The following TRIM46 variants were observed in gnomAD, a reference collection of about 807,000 sequenced individuals.
The protein encoded by TRIM46 is tripartite motif containing 46, also known as tripartite motif-containing protein 46.
In TRIM46, 17 loss-of-function variants were observed where a neutral mutation model predicts 69.7. The ratio of observed to expected loss-of-function variants is 0.24; its 90% CI spans 0.17 to 0.37. The LOEUF (loss-of-function observed/expected upper bound fraction) is 0.37, where lower values mean the gene tolerates loss of function less well. Ranked by LOEUF, TRIM46 falls within the 10% of genes least tolerant of loss-of-function variation. The pLI is 1.00. For missense variants in TRIM46, 675 were observed against 1,025.1 expected (o/e 0.66, Z 4.66); for synonymous variants, 391 against 429.0 (o/e 0.91, Z 1.09).
chr1:155,175,171 C>T lies in TRIM46; in HGVS notation c.64-215C>T. 1 of 1,419,152 alleles carries T rather than the reference C, an allele frequency of 7.0e-7. No individual in the cohort carries two copies. Among genetic ancestry groups the T allele is most frequent in the Non-Finnish European group, 9.1e-7 (1 of 1,095,384 alleles). 87.9% of individuals were successfully genotyped at this position (1,419,152 alleles called of 1,614,324 possible). On this transcript the variant is annotated intron_variant, in intron 1 of 9. Coordinates refer to ENST00000334634, the MANE Select transcript of TRIM46 (RefSeq NM_025058.5). The surrounding 1 kb of genome is among the most constrained non-coding windows in gnomAD (Gnocchi z 4.2). ...GCAGGCACAAGCTCCAACCGTCCCT[C>T]CTCTGGGCCTTTAGCTCTGCAGCGG... is the stretch of plus-strand genomic sequence containing the variant.
chr1:155,177,341 A>G (rs1018624757), intron 5 of TRIM46, 51 bp downstream of exon 5: 1 of 1,478,992 alleles, frequency 6.8e-7, no homozygotes, highest in Non-Finnish European at 9.5e-7. Context: ...GAGTAGGGGC[A>G]GGAAGGGGGT....
chr1:155,174,617 G>A (rs746403154), intron 1 of TRIM46: 44 of 1,529,604 alleles, frequency 2.9e-5, no homozygotes, highest in Non-Finnish European at 3.6e-5. Context: ...CCCTGACCGG[G>A]ATGGCTGCGA....
chr1:155,175,285 G>C lies in TRIM46; in HGVS notation c.64-101G>C. 1 of 1,565,236 alleles carries C rather than the reference G, an allele frequency of 6.4e-7. No individual in the cohort carries two copies. Among genetic ancestry groups the C allele is most frequent in the Non-Finnish European group, 8.6e-7 (1 of 1,163,432 alleles). The stretch of plus-strand genomic sequence containing the variant: ...GGAAAAGCTGCAGGTAGCTTGTCTT[G>C]CTCCTTCCTCAGACCCCTAGGGTAT... On this transcript the variant is annotated intron_variant, in intron 1 of 9. Coordinates refer to ENST00000334634, the MANE Select transcript of TRIM46 (RefSeq NM_025058.5). This position sits in a 1 kb window ranked among gnomAD's most constrained non-coding sequence, Gnocchi z 4.2.
chr1:155,181,780 G>A lies in TRIM46; in HGVS notation c.1589-72G>A, dbSNP rs1033442280. ...CTTGCAACGCGTTCCCTGTTCTGCA[G>A]TCTCACAGCCCCCAGTGCCAGTGTT... On this transcript the variant is annotated intron_variant, in intron 8 of 9. Transcript: ENST00000334634. This position sits in a 1 kb window ranked among gnomAD's most constrained non-coding sequence, Gnocchi z 4.3. 9 of 1,530,748 alleles carry A rather than the reference G, an allele frequency of 5.9e-6. No homozygotes were observed. Among genetic ancestry groups the A allele is most frequent in the Non-Finnish European group, 8.0e-6 (9 of 1,128,544 alleles). 94.8% of individuals were successfully genotyped at this position (1,530,748 alleles called of 1,614,324 possible).
chr1:155,180,127 C>A (rs557988914), intron 8 of TRIM46, among the ~76,000 whole-genome samples, 193 bp downstream of exon 8: 4 of 152,248 alleles, frequency 2.6e-5, no homozygotes, highest in Admixed American at 6.5e-5. Context: ...TGGCTTCTGG[C>A]AAGTTTTTAC....
chr1:155,176,882 C>A, intron 3 of TRIM46, 50 bp from the exon 4 acceptor site: 2 of 1,599,634 alleles, frequency 1.3e-6, no homozygotes, highest in African/African-American at 1.3e-5. Context: ...TAGCATAGCA[C>A]CCTTACCCAC....
Position 155,178,029 on chromosome 1 carries a change from G to T in TRIM46, c.937G>T (p.Val313Leu). The change falls in exon 6 of 10, where the codon GTG (valine) becomes TTG (leucine). Residue 313 changes from valine (V) to leucine (L), a missense_variant. This residue lies in a region of TRIM46 where 361 missense variants were observed against 498.3 expected (regional missense o/e 0.72). Transcript: ENST00000334634. ...EVSGQQAKEE[V>L]SQLVRGLGAV... ...GAGTGGTCAGCAGGCCAAGGAGGAG[G>T]TGTCGCAGCTGGTGCGGGGGCTGGG... is the stretch of plus-strand genomic sequence containing the variant. 6.2e-7 allele frequency: 1 copy of T among 1,613,484 alleles called. No individual in the cohort carries two copies. Among genetic ancestry groups the T allele is most frequent in the Non-Finnish European group, 8.5e-7 (1 of 1,179,964 alleles).
chr1:155,184,411 G>A lies in TRIM46; in HGVS notation c.*221G>A, dbSNP rs1666396427. On this transcript the variant is annotated 3_prime_UTR_variant, in exon 10 of 10. Transcript: ENST00000334634. This position sits in a 1 kb window ranked among gnomAD's most constrained non-coding sequence, Gnocchi z 5.6. ...CCCCCGTTCTCTCCATTGCTTGTTAGCCAGGCCCCCACCCCCACTGAGTCT... is the reference window on the plus strand; with the variant it reads ...CCCCCGTTCTCTCCATTGCTTGTTAACCAGGCCCCCACCCCCACTGAGTCT... 3.5e-6 allele frequency: 2 copies of A among 571,446 alleles called. No homozygotes were observed. Among genetic ancestry groups the A allele is most frequent in the Non-Finnish European group, 6.1e-6 (2 of 330,074 alleles). 35.4% of individuals were successfully genotyped at this position (571,446 alleles called of 1,614,324 possible). A position where few individuals can be genotyped will look rare whatever the true frequency, so the allele number is the denominator to read the frequency against.
intron 7 of TRIM46, 126 bp downstream of exon 7, chr1:155,178,739 T>TGGGGGCCCCCCC: frequency 1.5e-6 from 2 of 1,348,474 alleles, no homozygotes; most frequent in Non-Finnish European, 2.0e-6. Context: ...CAGCCATTCC[T>TGGGGGCCCCCCC]CCCACCCAGC....
At chr1:155,182,211 G>T in intron 9 of TRIM46, 62 bp downstream of exon 9, 1 of 1,548,270 alleles carries the variant, frequency 6.5e-7, no homozygotes, top group South Asian at 1.2e-5. Context: ...GGCACAGAAG[G>T]GGTGGCAAGT....
intron 5 of TRIM46, among the ~76,000 whole-genome samples, chr1:155,177,732 C>T (rs537050726): frequency 1.3e-5 from 2 of 152,268 alleles, no homozygotes; most frequent in South Asian, 4.1e-4. Context: ...ATTAGGGTAG[C>T]CATGGCCTCG....
chr1:155,178,881 G>A (rs1056864007), intron 7 of TRIM46: 88 of 1,341,708 alleles, frequency 6.6e-5, no homozygotes, highest in Middle Eastern at 2.2e-4. Flanking sequence ...GGCCCTGCCC[G>A]CCGCCGGGCC....
At position 155,175,015 on chromosome 1, in the gene TRIM46, G is replaced by A; in HGVS notation, c.64-371G>A. 7.3e-7 allele frequency: 1 copy of A among 1,376,760 alleles called. No homozygotes were observed. The highest frequency in any genetic ancestry group is 9.3e-7 in the Non-Finnish European group (1 of 1,072,606). 85.3% of individuals were successfully genotyped at this position (1,376,760 alleles called of 1,614,324 possible). A position where few individuals can be genotyped will look rare whatever the true frequency, so the allele number is the denominator to read the frequency against. On this transcript the variant is annotated intron_variant, in intron 1 of 9. Transcript: ENST00000334634. This position sits in a 1 kb window ranked among gnomAD's most constrained non-coding sequence, Gnocchi z 4.2. ...AGGGAGTGGGGGTCTGCATGGAGCT[G>A]CAGAATGGGCGGTGTCCTTGAGAAA...
At chr1:155,180,396 A>G in intron 8 of TRIM46, 1 of 357,282 alleles carries the variant, frequency 2.8e-6, no homozygotes, top group Non-Finnish European at 5.0e-6. Context: ...AGAGTTTGAG[A>G]CCAGCCTGGC....
Position 155,176,198 on chromosome 1 carries a change from G to A in TRIM46, c.636G>A (p.Glu212=), listed in dbSNP as rs750349875. 1 of 1,609,786 alleles carries A rather than the reference G, an allele frequency of 6.2e-7. No homozygotes were observed. The highest frequency in any genetic ancestry group is 8.5e-7 in the Non-Finnish European group (1 of 1,179,758). ...HPWGTQKAQH[E]PTLPTLSFRP... is the part of the protein sequence containing the mutation. ...GGGGCACCCAGAAGGCCCAGCATGA[G>A]CCCACCCTGCCTACCCTCTCCTTCC... Residue 212 remains glutamate, a synonymous_variant, in exon 3 of 10, where the codon GAG becomes GAA. Coordinates refer to ENST00000334634, the MANE Select transcript of TRIM46 (RefSeq NM_025058.5).
intron 3 of TRIM46, 42 bp downstream of exon 3, chr1:155,176,273 T>A: frequency 6.5e-7 from 1 of 1,539,896 alleles, no homozygotes. Flanking sequence ...AGGGACATGC[T>A]GCTGCAGGTG....
At chr1:155,178,378 C>A in intron 6 of TRIM46, 114 bp from the exon 7 acceptor site, 1 of 1,576,054 alleles carries the variant, frequency 6.3e-7, no homozygotes, top group South Asian at 1.1e-5. Flanking sequence ...TGAGGCCAAA[C>A]TGATACCAGC....
chr1:155,179,974 G>A (rs759613805), intron 8 of TRIM46, 40 bp downstream of exon 8: 2 of 1,538,860 alleles, frequency 1.3e-6, no homozygotes, highest in African/African-American at 1.4e-5. Flanking sequence ...AAGGGCATGG[G>A]GTATGCCAGG....
intron 9 of TRIM46, chr1:155,182,913 G>A (rs1208882973): frequency 8.3e-6 from 1 of 120,972 alleles, no homozygotes; most frequent in African/African-American, 3.1e-5. Flanking sequence ...CCAACTCCCT[G>A]TTTTTTTTTT....
Sources: allele counts gnomAD v4.1 joint callset (sites outside exome capture counted in the v4.1 genomes callset), GRCh38; gene constraint gnomAD v4.1.1; regional missense constraint gnomAD v4.1.1; non-coding constraint Gnocchi (gnomAD v3.1); transcripts MANE v1.5; gene names NCBI Gene and HGNC (gene_info 2026-07-23, HGNC 2026-07-21).